LIMS1: variants seen among roughly 807,000 people sequenced by gnomAD.
LIMS1 encodes the protein LIM zinc finger domain containing 1.
LIMS1 carries 18 observed loss-of-function variants against 44.1 expected under a neutral mutation model. That is an observed-to-expected ratio of 0.41 (90% CI 0.28 to 0.61). The LOEUF is 0.61. LIMS1 is among the 20% of genes least tolerant of loss of function. The pLI, the probability that LIMS1 is intolerant of heterozygous loss-of-function variation, is 0.32. For missense variants in LIMS1, 201 were observed against 422.0 expected, an observed-to-expected ratio of 0.48 and a Z score of 4.59; for synonymous variants, 93 against 149.1, an observed-to-expected ratio of 0.62 and a Z score of 2.74.
intron 2 of LIMS1, among the ~76,000 whole-genome samples, chr2:108,667,551 A>AAAT (rs765279788): frequency 3.5e-4 from 46 of 130,464 alleles, no homozygotes; most frequent in African/African-American, 1.0e-3. Flanking sequence ...AAAAAAAAAA[A>AAAT]ATATATATAT....
At chr2:108,610,184 G>A (rs1441468599) in intron 1 of LIMS1, among the ~76,000 whole-genome samples, 1 of 97,122 alleles carries the variant, frequency 1.0e-5, no homozygotes, top group African/African-American at 3.2e-5. Flanking sequence ...GTGTGTGTGT[G>A]TGTGTGTGTG....
intron 1 of LIMS1, among the ~76,000 whole-genome samples, chr2:108,609,167 G>A (rs1320307170): frequency 1.3e-5 from 2 of 152,158 alleles, no homozygotes. Flanking sequence ...CTCATTTGGG[G>A]CATGATCTGG....
chr2:108,681,524 A>G (rs1692992865), intron 9 of LIMS1: 1 of 977,170 alleles, frequency 1.0e-6, no homozygotes, highest in Non-Finnish European at 1.2e-6. Flanking sequence ...TGTAGCTTTT[A>G]AAATCCTGGT....
At chr2:108,555,927 A>T (rs1430815597) in intron 1 of LIMS1, among the ~76,000 whole-genome samples, 1 of 152,060 alleles carries the variant, frequency 6.6e-6, no homozygotes, top group East Asian at 1.9e-4. Flanking sequence ...TAGATTGGAA[A>T]TGCTTTGAAA....
At chr2:108,562,513 G>C (rs1685157678) in intron 1 of LIMS1, among the ~76,000 whole-genome samples, 4 of 152,194 alleles carry the variant, frequency 2.6e-5, no homozygotes, top group Admixed American at 2.0e-4. Context: ...GTTTGAATGG[G>C]ACATAAAACC....
At chr2:108,553,494 C>A (rs1684827256) in intron 1 of LIMS1, among the ~76,000 whole-genome samples, 1 of 152,148 alleles carries the variant, frequency 6.6e-6, no homozygotes, top group Non-Finnish European at 1.5e-5. Flanking sequence ...ATCACACAAT[C>A]CCAAAATACT....
chr2:108,632,066 G>C (rs180688573), intron 1 of LIMS1, among the ~76,000 whole-genome samples: 818 of 152,258 alleles, frequency 5.4e-3, no homozygotes, highest in Non-Finnish European at 9.0e-3. Context: ...CCACCTCCTG[G>C]GTCCAAGCAG....
intron 1 of LIMS1, among the ~76,000 whole-genome samples, chr2:108,614,474 T>C (rs1687827942): frequency 6.6e-6 from 1 of 152,216 alleles, no homozygotes; most frequent in African/African-American, 2.4e-5. Context: ...TGGTAGATCA[T>C]GAACACACAT....
chr2:108,544,042 CCT>C (rs1332370272), intron 1 of LIMS1, among the ~76,000 whole-genome samples: 1 of 152,034 alleles, frequency 6.6e-6, no homozygotes. Flanking sequence ...TCTTTCTCTC[CCT>C]CTCTCTTTTC....
At chr2:108,613,002 T>A (rs866006698) in intron 1 of LIMS1, among the ~76,000 whole-genome samples, 1 of 152,180 alleles carries the variant, frequency 6.6e-6, no homozygotes, top group Non-Finnish European at 1.5e-5. Context: ...CAGGAATCTT[T>A]GAGTCAAATC....
At chr2:108,642,356 TTGTTTTTTG>T (rs1558824095) in intron 1 of LIMS1, among the ~76,000 whole-genome samples, 10 of 9,890 alleles carry the variant, frequency 1.0e-3, no homozygotes, top group South Asian at 0.02. Context: ...TTTTTTTTTT[TTGTTTTTTG>T]TTTTTTTTTT....
At chr2:108,555,972 GT>G (rs112846693) in intron 1 of LIMS1, among the ~76,000 whole-genome samples, 6 of 149,112 alleles carry the variant, frequency 4.0e-5, no homozygotes, top group South Asian at 4.2e-4. Flanking sequence ...AATTATCCTG[GT>G]TTTTTTTTTC....
chr2:108,656,918 A>T (rs1174652371), intron 1 of LIMS1, among the ~76,000 whole-genome samples: 2 of 66,430 alleles, frequency 3.0e-5, no homozygotes, highest in African/African-American at 1.1e-4. Context: ...CCATATGAGA[A>T]ATTGAAACTG....
chr2:108,611,443 G>T (rs1687595521), intron 1 of LIMS1, among the ~76,000 whole-genome samples: 1 of 151,708 alleles, frequency 6.6e-6, no homozygotes, highest in Non-Finnish European at 1.5e-5. Context: ...ACCTATCAAT[G>T]TTTTTTTTCA....
intron 1 of LIMS1, among the ~76,000 whole-genome samples, chr2:108,583,730 T>C (rs138061631): frequency 2.5e-3 from 327 of 132,984 alleles, no homozygotes; most frequent in African/African-American, 7.0e-3. Context: ...GGAGTCTTAC[T>C]CTCGCTCAGG....
exon 10 of LIMS1, chr2:108,684,978 A>G (rs1304714963): frequency 1.3e-5 from 2 of 152,258 alleles, no homozygotes; most frequent in African/African-American, 4.8e-5. Flanking sequence ...AATTCTAGCC[A>G]TCTCACAGAA....
chr2:108,618,830 A>C (rs1244242060), intron 1 of LIMS1, among the ~76,000 whole-genome samples: 2 of 151,790 alleles, frequency 1.3e-5, no homozygotes, highest in East Asian at 1.9e-4. Context: ...TCTCAAAAAA[A>C]AAAAAAAAAA....
chr2:108,619,937 C>G (rs1379617802), intron 1 of LIMS1, among the ~76,000 whole-genome samples: 5 of 152,172 alleles, frequency 3.3e-5, no homozygotes, highest in Non-Finnish European at 7.4e-5. Context: ...CTCCCGGAGA[C>G]AGATGTAACT....
chr2:108,582,386 G>A (rs1470989756), intron 1 of LIMS1, among the ~76,000 whole-genome samples: 5 of 152,210 alleles, frequency 3.3e-5, no homozygotes, highest in East Asian at 1.9e-4. Flanking sequence ...GGTTAAAAAC[G>A]TAAGAAAGAA....
Sources: gnomAD v4.1 joint callset for allele counts (sites outside exome capture counted in the v4.1 genomes callset) on GRCh38, gnomAD v4.1.1 for gene constraint, MANE v1.5 for transcripts, NCBI Gene and HGNC (gene_info 2026-07-23, HGNC 2026-07-21) for gene names.